TCF12: variants seen among roughly 807,000 people sequenced by gnomAD.
The protein encoded by TCF12 is transcription factor 12, also known as DNA-binding protein HTF4.
Under a neutral mutation model 86.0 loss-of-function variants are expected in TCF12, and 45 were observed. The observed-to-expected ratio is 0.52, with a 90% CI of 0.41 to 0.67. The LOEUF (loss-of-function observed/expected upper bound fraction) is 0.67, where lower values mean the gene tolerates loss of function less well. Ranked by LOEUF, TCF12 falls within the 30% of genes least tolerant of loss-of-function variation. TCF12 has a pLI of 0.00. For synonymous variants in TCF12, 330 were observed against 299.6 expected, an observed-to-expected ratio of 1.10 and a Z score of -1.05; for missense variants, 881 against 859.9, an observed-to-expected ratio of 1.02 and a Z score of -0.31.
chr15:57,171,551 A>G (rs968453054), intron 6 of TCF12, among the ~76,000 whole-genome samples: 3 of 152,232 alleles, frequency 2.0e-5, no homozygotes, highest in Admixed American at 6.5e-5. Context: ...TAACTCTGCT[A>G]TTAATGTACA....
intron 3 of TCF12, among the ~76,000 whole-genome samples, chr15:56,976,483 C>T (rs970801403): frequency 3.3e-5 from 5 of 151,542 alleles, no homozygotes; most frequent in South Asian, 2.1e-4. Context: ...GTCATCCGCC[C>T]GCCTCGGCCT....
Position 57,166,468 on chromosome 15 carries a change from T to C in TCF12, c.390+2T>C. 6.2e-7 allele frequency: 1 copy of C among 1,611,708 alleles called. No individual in the cohort carries two copies. ...GATACTGGATTACCAGGCTGTCAAG[T>C]AAGTTTAATGATTAAAAAAAGCAAT... is the stretch of plus-strand genomic sequence containing the variant. On this transcript the variant is annotated splice_donor_variant, in intron 6 of 20. Transcript: ENST00000333725. LOFTEE classifies it high-confidence loss of function.
intron 5 of TCF12, among the ~76,000 whole-genome samples, chr15:57,127,205 A>T (rs1404004912): frequency 6.6e-6 from 1 of 151,448 alleles, no homozygotes; most frequent in African/African-American, 2.4e-5. Flanking sequence ...CTGGTCTCGA[A>T]CTCCTGACCT....
At chr15:57,113,908 A>G (rs2050668800) in intron 5 of TCF12, among the ~76,000 whole-genome samples, 1 of 152,080 alleles carries the variant, frequency 6.6e-6, no homozygotes, top group Non-Finnish European at 1.5e-5. Context: ...GTAAGCCATG[A>G]TGATGCCCCT....
intron 19 of TCF12, among the ~76,000 whole-genome samples, chr15:57,280,141 C>T (rs1039452927): frequency 2.6e-5 from 4 of 152,052 alleles, no homozygotes; most frequent in Admixed American, 2.0e-4. Context: ...CCGCCTGTTT[C>T]GGCCTCCCAA....
chr15:56,936,469 A>G (rs1265063111), intron 3 of TCF12, among the ~76,000 whole-genome samples: 4 of 152,154 alleles, frequency 2.6e-5, no homozygotes, highest in Non-Finnish European at 5.9e-5. Flanking sequence ...GCTGTGCAGA[A>G]GCTCTTCAGT....
chr15:57,005,859 C>T (rs1317065676), intron 3 of TCF12, among the ~76,000 whole-genome samples: 1 of 152,162 alleles, frequency 6.6e-6, no homozygotes, highest in Non-Finnish European at 1.5e-5. Flanking sequence ...TGTGAGCTAC[C>T]ACCCTCAGTC....
At chr15:57,145,526 A>G (rs1009869846) in intron 5 of TCF12, among the ~76,000 whole-genome samples, 2 of 152,198 alleles carry the variant, frequency 1.3e-5, no homozygotes, top group Non-Finnish European at 2.9e-5. Flanking sequence ...ATAATGAGTG[A>G]TGGACTTCTA....
intron 4 of TCF12, among the ~76,000 whole-genome samples, chr15:57,090,464 A>G (rs2048922847): frequency 6.6e-6 from 1 of 152,208 alleles, no homozygotes; most frequent in South Asian, 2.1e-4. Flanking sequence ...TTTATTTGGG[A>G]GTTAGCACTC....
intron 3 of TCF12, among the ~76,000 whole-genome samples, chr15:56,997,999 A>G (rs980407220): frequency 2.0e-5 from 3 of 152,276 alleles, no homozygotes; most frequent in African/African-American, 7.2e-5. Flanking sequence ...TTGATTTGCC[A>G]ATCCTAAATG....
intron 18 of TCF12, among the ~76,000 whole-genome samples, chr15:57,265,898 T>C (rs1320277455): frequency 6.6e-6 from 1 of 152,132 alleles, no homozygotes. Context: ...TACTATATAA[T>C]AGACATTTTT....
At chr15:57,257,505 T>A (rs1050526490) in intron 16 of TCF12, among the ~76,000 whole-genome samples, 9 of 151,302 alleles carry the variant, frequency 5.9e-5, no homozygotes, top group Non-Finnish European at 8.9e-5. Flanking sequence ...AAAAAAAAAA[T>A]TTTTAATTAA....
At chr15:57,129,095 G>A (rs2051907036) in intron 5 of TCF12, among the ~76,000 whole-genome samples, 1 of 152,162 alleles carries the variant, frequency 6.6e-6, no homozygotes. Context: ...AACCATTTGA[G>A]GAACTGCCAG....
intron 3 of TCF12, among the ~76,000 whole-genome samples, chr15:57,020,915 A>G (rs2141250025): frequency 6.6e-6 from 1 of 152,272 alleles, no homozygotes; most frequent in South Asian, 2.1e-4. Context: ...TCATATTTGA[A>G]ATTAAGAGTA....
At position 57,273,191 on chromosome 15, in the gene TCF12, A is replaced by G. The variant is rs1209881293; in HGVS notation, c.1907A>G (p.Lys636Arg). 6.2e-7 allele frequency: 1 copy of G among 1,614,064 alleles called. No homozygotes were observed. Among genetic ancestry groups the G allele is most frequent in the Non-Finnish European group, 8.5e-7 (1 of 1,180,032 alleles). The change falls in exon 19 of 21, where the codon AAA (lysine) becomes AGA (arginine). Residue 636 changes from lysine to arginine, a missense_variant. This residue lies in a region of TCF12 where 46 missense variants were observed against 76.7 expected (regional missense o/e 0.60). Coordinates refer to ENST00000333725, the MANE Select transcript of TCF12 (RefSeq NM_207037.2). ...RMCQLHLKSE[K>R]PQTKLLILHQ... is the part of the protein sequence containing the mutation. ...TGTCAGCTTCACTTGAAGAGTGAAA[A>G]ACCCCAAACAAAACTCCTTATTCTT...
At chr15:57,220,536 G>C (rs2058541756) in intron 8 of TCF12, among the ~76,000 whole-genome samples, 1 of 152,118 alleles carries the variant, frequency 6.6e-6, no homozygotes, top group Non-Finnish European at 1.5e-5. Context: ...AGAATGCACT[G>C]TACTTCTGGT....
intron 3 of TCF12, among the ~76,000 whole-genome samples, chr15:56,924,244 AG>A (rs1708702995): frequency 6.6e-6 from 1 of 152,208 alleles, no homozygotes; most frequent in Non-Finnish European, 1.5e-5. Context: ...TATCACAACT[AG>A]GTTATTGATA....
intron 3 of TCF12, among the ~76,000 whole-genome samples, chr15:56,968,018 C>T (rs187030602): frequency 1.3e-5 from 2 of 151,800 alleles, no homozygotes; most frequent in African/African-American, 2.4e-5. Flanking sequence ...TGCAGTGGTG[C>T]GATCTTGGCT....
chr15:57,044,037 A>G (rs1024758736), intron 3 of TCF12, among the ~76,000 whole-genome samples: 1 of 152,182 alleles, frequency 6.6e-6, no homozygotes, highest in Non-Finnish European at 1.5e-5. Flanking sequence ...AAAGTAGTAC[A>G]GTTTTTACAT....
Sources: allele counts gnomAD v4.1 joint callset (sites outside exome capture counted in the v4.1 genomes callset), GRCh38; gene constraint gnomAD v4.1.1; regional missense constraint gnomAD v4.1.1; transcripts MANE v1.5; gene names NCBI Gene and HGNC (gene_info 2026-07-23, HGNC 2026-07-21).